Variants in PDCD6 observed in about 807,000 individuals in gnomAD.
PDCD6 encodes the protein programmed cell death 6, also known as programmed cell death protein 6.
In PDCD6, 12 loss-of-function variants were observed where a neutral mutation model predicts 28.3. The observed-to-expected ratio is 0.42, with a 90% CI of 0.27 to 0.69. PDCD6 has a LOEUF of 0.69. Ranked by LOEUF, PDCD6 falls within the 30% of genes least tolerant of loss-of-function variation. The pLI is 0.22. For synonymous variants in PDCD6, 92 were observed against 108.0 expected, an observed-to-expected ratio of 0.85 and a Z score of 0.92; for missense variants, 226 against 269.9, an observed-to-expected ratio of 0.84 and a Z score of 1.14.
At chr5:313,438 G>A (rs1040802669) in intron 5 of PDCD6, among the ~76,000 whole-genome samples, 12 of 152,246 alleles carry the variant, frequency 7.9e-5, no homozygotes, top group African/African-American at 2.9e-4. Flanking sequence ...CAAGGAGCCC[G>A]GTGGTGGCTG....
rs1221852493 is a variant in PDCD6 at position 307,783 on chromosome 5, A to G, written c.367+1023A>G. Among the ~76,000 whole-genome samples the G allele has an allele frequency of 1.3e-5, 2 of 151,940 alleles. No homozygotes were observed. The highest frequency in any genetic ancestry group is 2.9e-5 in the Non-Finnish European group (2 of 67,984). ...TCCCTGGAGTCTCACTTATCTAAGC[A>G]CGTCGCCTCTCCTCGTGTTTCCTCC... On this transcript the variant is annotated intron_variant, in intron 4 of 5. Transcript: ENST00000264933. This position sits in a 1 kb window ranked among gnomAD's most constrained non-coding sequence, Gnocchi z 6.1.
intron 2 of PDCD6, among the ~76,000 whole-genome samples, chr5:295,754 G>C (rs1396074931): frequency 1.4e-5 from 2 of 146,960 alleles, no homozygotes; most frequent in Non-Finnish European, 1.5e-5. Flanking sequence ...GGAATGCAGG[G>C]GTTTGTTCCA....
Position 305,261 on chromosome 5 carries a change from G to C in PDCD6, c.208+1040G>C, listed in dbSNP as rs974739735. 1 of 152,226 alleles carries C rather than the reference G, an allele frequency of 6.6e-6. No homozygotes were observed. The highest frequency in any genetic ancestry group is 2.4e-5 in the African/African-American group (1 of 41,440). The allele number at this position is 152,226 out of a possible 1,614,324, so 9.4% of individuals were successfully genotyped here. A position where few individuals can be genotyped will look rare whatever the true frequency, so the allele number is the denominator to read the frequency against. Reference sequence around the variant, plus strand: ...CACAGGGACCATGGCATTGTGTCTCGAGGTTTCCCAGAGCGGCCTGGGGCT... The same window carrying C: ...CACAGGGACCATGGCATTGTGTCTCCAGGTTTCCCAGAGCGGCCTGGGGCT... On this transcript the variant is annotated intron_variant, in intron 3 of 5. Coordinates refer to ENST00000264933, the MANE Select transcript of PDCD6 (RefSeq NM_013232.4). This position sits in a 1 kb window ranked among gnomAD's most constrained non-coding sequence, Gnocchi z 4.0.
rs1204786574 is a variant in PDCD6 at position 279,800 on chromosome 5, A to C, written c.163+7028A>C. Among the ~76,000 whole-genome samples, 174 of 148,666 alleles carry C rather than the reference A, an allele frequency of 1.2e-3. No homozygotes were observed. The Middle Eastern group carries it at 0.014, about 12-fold the overall frequency. Reference sequence around the variant, plus strand: ...AGTAATGGCAAAAAAAAAAAAAAAAAAAAAAACGAGGAGCCGGTGCTGCAG... The same window carrying C: ...AGTAATGGCAAAAAAAAAAAAAAAACAAAAAACGAGGAGCCGGTGCTGCAG... On this transcript the variant is annotated intron_variant, in intron 2 of 5. Transcript: ENST00000264933.
chr5:275,742 C>T (rs1041906575), intron 2 of PDCD6, among the ~76,000 whole-genome samples: 3 of 152,218 alleles, frequency 2.0e-5, no homozygotes, highest in Non-Finnish European at 2.9e-5. Context: ...GCATTGCTGT[C>T]GGTGCTCCCT....
intron 2 of PDCD6, chr5:290,406 TC>T: frequency 4.0e-6 from 3 of 742,934 alleles, no homozygotes; most frequent in Non-Finnish European, 7.0e-6. Context: ...CCCGACGTCC[TC>T]CCACTCCCTC....
chr5:276,285 T>G (rs1738193729), intron 2 of PDCD6: 1 of 1,121,000 alleles, frequency 8.9e-7, no homozygotes, highest in African/African-American at 1.6e-5. Flanking sequence ...TCGCAGCATT[T>G]TTCTTTTCTC....
At chr5:297,857 T>C (rs1469869096) in intron 2 of PDCD6, among the ~76,000 whole-genome samples, 1 of 152,194 alleles carries the variant, frequency 6.6e-6, no homozygotes. Flanking sequence ...AAGTATAGAA[T>C]ATGACCTTTT....
intron 2 of PDCD6, among the ~76,000 whole-genome samples, chr5:275,777 C>G (rs1012514337): frequency 7.9e-5 from 12 of 152,196 alleles, no homozygotes; most frequent in Admixed American, 2.6e-4. Context: ...TGGTAGCTCT[C>G]AAGTTGCAGG....
intron 2 of PDCD6, chr5:273,098 C>T (rs1251787281): frequency 2.1e-5 from 6 of 284,766 alleles, no homozygotes; most frequent in Non-Finnish European, 4.2e-5. Context: ...AGTTGGAGGT[C>T]CTTGAATTTC....
intron 2 of PDCD6, among the ~76,000 whole-genome samples, chr5:296,378 G>A (rs1415031414): frequency 1.3e-5 from 2 of 151,970 alleles, no homozygotes; most frequent in African/African-American, 2.4e-5. Context: ...AGCTGTTCAC[G>A]CCCCACGTGC....
intron 2 of PDCD6, among the ~76,000 whole-genome samples, chr5:278,937 CCT>C (rs112216421): frequency 6.6e-6 from 1 of 151,784 alleles, no homozygotes; most frequent in Non-Finnish European, 1.5e-5. Flanking sequence ...GTTCTCTGCC[CCT>C]CTCCTGTCTC....
At position 311,182 on chromosome 5, in the gene PDCD6, G is replaced by T. The variant is rs1481213001; in HGVS notation, c.368-111G>T. 3 of 787,818 alleles carry T rather than the reference G, an allele frequency of 3.8e-6. No homozygotes were observed. The East Asian group carries it at 7.9e-5, about 21-fold the overall frequency. 48.8% of individuals were successfully genotyped at this position (787,818 alleles called of 1,614,324 possible). Reference sequence around the variant, plus strand: ...GAATTTGCACTTCCGTTCCCACACAGCCTTGCATTGTGTGTGTTAGAGGCT... The same window carrying T: ...GAATTTGCACTTCCGTTCCCACACATCCTTGCATTGTGTGTGTTAGAGGCT... On this transcript the variant is annotated intron_variant, in intron 4 of 5. Transcript: ENST00000264933.
chr5:311,068 T>C (rs1740883561), intron 4 of PDCD6: 1 of 484,722 alleles, frequency 2.1e-6, no homozygotes, highest in African/African-American at 2.0e-5. Flanking sequence ...GGGGTCATGG[T>C]CTCAAGGGGT....
intron 2 of PDCD6, among the ~76,000 whole-genome samples, chr5:297,782 C>T (rs945076492): frequency 1.3e-5 from 2 of 152,124 alleles, no homozygotes; most frequent in Non-Finnish European, 2.9e-5. Flanking sequence ...ATTCTTCATT[C>T]AGAATATGGC....
intron 4 of PDCD6, chr5:309,246 G>C (rs1740736261): frequency 6.5e-6 from 1 of 153,086 alleles, no homozygotes. Context: ...CCTTGGCAAG[G>C]GGTGTGTCAG....
At chr5:292,728 G>A (rs1318437520) in intron 2 of PDCD6, among the ~76,000 whole-genome samples, 4 of 152,224 alleles carry the variant, frequency 2.6e-5, no homozygotes, top group Non-Finnish European at 4.4e-5. Flanking sequence ...AGAGGAGGCC[G>A]AGTCAGGCAG....
chr5:296,384 C>T (rs6878048), intron 2 of PDCD6, among the ~76,000 whole-genome samples: 56,978 of 151,622 alleles, frequency 0.38, 12,348 homozygotes, highest in South Asian at 0.5. Flanking sequence ...TCACGCCCCA[C>T]GTGCACCTGG....
chr5:289,688 T>G (rs1382685239), intron 2 of PDCD6: 5 of 946,958 alleles, frequency 5.3e-6, no homozygotes, highest in Non-Finnish European at 8.7e-6. Context: ...GAAGAGTCAC[T>G]GTGATTTTTC....
Sources: gnomAD v4.1 joint callset for allele counts (sites outside exome capture counted in the v4.1 genomes callset) on GRCh38, gnomAD v4.1.1 for gene constraint, Gnocchi (gnomAD v3.1) non-coding constraint, MANE v1.5 for transcripts, NCBI Gene and HGNC (gene_info 2026-07-23, HGNC 2026-07-21) for gene names.